KAT5: variants seen among roughly 807,000 people sequenced by gnomAD.
KAT5 encodes lysine acetyltransferase 5.
In KAT5, 31 loss-of-function variants were observed where a neutral mutation model predicts 68.1. The observed-to-expected ratio is 0.46, with a 90% CI of 0.34 to 0.61. The LOEUF (loss-of-function observed/expected upper bound fraction) is 0.61, where lower values mean the gene tolerates loss of function less well. Among genes scored for constraint, KAT5 ranks in the 20% least tolerant of loss-of-function variants. KAT5 has a pLI of 0.01. For synonymous variants in KAT5, 365 were observed against 292.6 expected (o/e 1.25, Z -2.52); for missense variants, 451 against 725.5 (o/e 0.62, Z 4.35).
chr11:65,713,254 G>T lies in KAT5; in HGVS notation c.385-94G>T. ...TGTGTCCTTCAGAAGGCGAGGGTGG[G>T]GTTTGATAATTTTGAGGTGAGGGAC... On this transcript the variant is annotated intron_variant, in intron 3 of 12. Coordinates refer to ENST00000341318, the MANE Select transcript of KAT5 (RefSeq NM_182710.3). 3 of 1,400,178 alleles carry T rather than the reference G, an allele frequency of 2.1e-6. No individual in the cohort carries two copies. In the South Asian group the frequency reaches 3.8e-5, roughly 18 times the overall value. The allele number at this position is 1,400,178 out of a possible 1,614,324, so 86.7% of individuals were successfully genotyped here. A position where few individuals can be genotyped will look rare whatever the true frequency, so the allele number is the denominator to read the frequency against.
rs767867886 is a variant in KAT5, at chr11:65,714,883, C to T, written c.1002C>T (p.Phe334=). The T allele has an allele frequency of 2.3e-5, 37 of 1,614,090 alleles. No homozygotes were observed. Among genetic ancestry groups the T allele is most frequent in the Non-Finnish European group, 2.7e-5 (32 of 1,180,012 alleles). ...TTTACCGCAAGGGCACCATCTCCTT[C>T]TTTGAGATTGATGGACGTAAGAACA... The part of the protein sequence containing the change: ...NEIYRKGTIS[F]FEIDGRKNKS... Residue 334 remains phenylalanine (F), a synonymous_variant, in exon 8 of 13, where the codon TTC becomes TTT. Coordinates refer to ENST00000341318, the MANE Select transcript of KAT5 (RefSeq NM_182710.3).
chr11:65,714,420 G>C (rs1857129553), intron 6 of KAT5, 75 bp from the exon 7 acceptor site: 1 of 1,545,816 alleles, frequency 6.5e-7, no homozygotes. Flanking sequence ...AAGGAAACCT[G>C]TCAAAGGGCT....
At chr11:65,713,905 G>A (rs71455782) in intron 6 of KAT5, 57 bp downstream of exon 6, 766 of 1,445,950 alleles carry the variant, frequency 5.3e-4, no homozygotes, top group Non-Finnish European at 6.6e-4. Flanking sequence ...TGCAGGCAGG[G>A]TGGAGAGTTA....
At chr11:65,717,891 T>A (rs1441002184) in intron 10 of KAT5, 2 of 152,562 alleles carry the variant, frequency 1.3e-5, no homozygotes, top group African/African-American at 4.8e-5. Context: ...CCCAGGTCCC[T>A]GACTGGGGAG....
rs1301439813 is a variant in KAT5 at position 65,719,273 on chromosome 11, AG to A, written c.*95del. ...ACTGCAGCTCCCACAAAGCACTCTA[AG>A]GGAGATGGGGCTGAGGACAGCTCAA... On this transcript the variant is annotated 3_prime_UTR_variant, in exon 13 of 13. Transcript: ENST00000341318. 6.9e-7 allele frequency: 1 copy of A among 1,452,946 alleles called. No homozygotes were observed. The highest frequency in any genetic ancestry group is 9.4e-7 in the Non-Finnish European group (1 of 1,062,734). 90.0% of individuals were successfully genotyped at this position (1,452,946 alleles called of 1,614,324 possible).
chr11:65,717,139 C>T (rs1160942294), intron 10 of KAT5, 157 bp downstream of exon 10: 26 of 643,068 alleles, frequency 4.0e-5, no homozygotes, highest in South Asian at 2.8e-4. Context: ...GGGTTCTCTC[C>T]GTTCAGGCTG....
At chr11:65,716,310 G>C (rs1857193108) in intron 8 of KAT5, 1 of 231,764 alleles carries the variant, frequency 4.3e-6, no homozygotes. Context: ...GCCGTGGTCA[G>C]AGTCTCACTT....
chr11:65,714,167 C>T (rs570655958), intron 6 of KAT5: 4 of 505,688 alleles, frequency 7.9e-6, no homozygotes, highest in South Asian at 6.8e-5. Flanking sequence ...GGCGTGGTGG[C>T]GGGTGCCTGT....
Position 65,719,158 on chromosome 11 carries a change from T to C in KAT5, c.1618T>C (p.Trp540Arg). The C allele has an allele frequency of 6.2e-7, 1 of 1,614,114 alleles. No individual in the cohort carries two copies. The highest frequency in any genetic ancestry group is 8.5e-7 in the Non-Finnish European group (1 of 1,180,020). ...GTGTCTGCACTTCACTCCCAAGGAC[T>C]GGAGCAAGAGGGGGAAGTGGTGACC... ...SKCLHFTPKD[W>R]SKRGKW Residue 540 changes from tryptophan to arginine, a missense_variant, in exon 13 of 13, where the codon TGG becomes CGG. By Grantham distance (101) the Trp-to-Arg change is moderately radical. Transcript: ENST00000341318.
chr11:65,713,866 C>G lies in KAT5; in HGVS notation c.690+18C>G. 2 of 1,560,154 alleles carry G rather than the reference C, an allele frequency of 1.3e-6. No homozygotes were observed. Among genetic ancestry groups the G allele is most frequent in the Non-Finnish European group, 1.7e-6 (2 of 1,150,394 alleles). ...CTGATGAGGTGGGTCTGGGGAGCAGCAGAAGGGAACTGGGTGAAAAGGAAG... is the reference window on the plus strand; with the variant it reads ...CTGATGAGGTGGGTCTGGGGAGCAGGAGAAGGGAACTGGGTGAAAAGGAAG... On this transcript the variant is annotated intron_variant, in intron 6 of 12. Transcript: ENST00000341318.
At chr11:65,712,115 TCACAGGGGCAGTC>T, upstream of KAT5, 1 of 662,040 alleles carries the variant, frequency 1.5e-6, no homozygotes, top group South Asian at 3.4e-5. Context: ...TTCCCCCGAG[TCACAGGGGCAGTC>T]TTGCCCCTCG....
rs755989710 is a variant in KAT5 at position 65,716,814 on chromosome 11, G to A, written c.1170+7G>A. The stretch of plus-strand genomic sequence containing the variant: ...CGTGGGCTACTTCTCCAAGGTCAGT[G>A]CCTGCCCAAGCTGTCCCTGTGCCCT... On this transcript the variant is annotated splice_region_variant and intron_variant, in intron 9 of 12. Coordinates refer to ENST00000341318, the MANE Select transcript of KAT5 (RefSeq NM_182710.3). The A allele has an allele frequency of 1.1e-5, 17 of 1,614,136 alleles. 1 individual carries two copies. The South Asian group carries it at 1.9e-4, about 18-fold the overall frequency.
rs958777577 is a variant in KAT5 at position 65,714,707 on chromosome 11, G to C, written c.903G>C (p.Lys301Asn). 6.2e-7 allele frequency: 1 copy of C among 1,614,214 alleles called. No individual in the cohort carries two copies. The highest frequency in any genetic ancestry group is 8.5e-7 in the Non-Finnish European group (1 of 1,180,050). The change falls in exon 7 of 13, where the codon AAG (lysine) becomes AAC (asparagine). Residue 301 changes from lysine to asparagine, a missense_variant. Coordinates refer to ENST00000341318, the MANE Select transcript of KAT5 (RefSeq NM_182710.3). Reference sequence around the variant, plus strand: ...TCTACCTGTGCGAGTTCTGCCTCAAGTACGGCCGTAGTCTCAAGTGTCTTC... The same window carrying C: ...TCTACCTGTGCGAGTTCTGCCTCAACTACGGCCGTAGTCTCAAGTGTCTTC... ...PVLYLCEFCL[K>N]YGRSLKCLQR...
intron 11 of KAT5, 40 bp downstream of exon 11, chr11:65,718,789 C>CT (rs1000415536): frequency 1.9e-6 from 3 of 1,613,866 alleles, no homozygotes; most frequent in African/African-American, 1.3e-5. Context: ...CATGGCATGG[C>CT]TTGTCTGTTC....
rs1255110429 is a variant in KAT5 at position 65,716,949 on chromosome 11, C to T, written c.1231C>T (p.Arg411Cys). ...CATCCTAACCCTGCCTCCCTACCAG[C>T]GCCGGGGCTACGGCAAGCTGCTGAT... ...ACILTLPPYQ[R>C]RGYGKLLIEF... is the part of the protein sequence containing the mutation. The change falls in exon 10 of 13, where the codon CGC becomes TGC. Residue 411 changes from arginine (R) to cysteine (C), a missense_variant. By Grantham distance (180) the Arg-to-Cys change is radical. Transcript: ENST00000341318. 2 of 1,614,144 alleles carry T rather than the reference C, an allele frequency of 1.2e-6. No homozygotes were observed. Among genetic ancestry groups the T allele is most frequent in the Non-Finnish European group, 1.7e-6 (2 of 1,179,986 alleles).
rs1335785870 is a variant in KAT5 at position 65,718,738 on chromosome 11, GATCACC to G, written c.1418_1423del (p.Thr473_Ile474del). On this transcript the variant is annotated inframe_deletion, in exon 11 of 13. Coordinates refer to ENST00000341318, the MANE Select transcript of KAT5 (RefSeq NM_182710.3). ...AGTCGGAGAGCGGGGAGAGGCCACA[GATCACC>G]ATCAAGTGAGCCTGGCGCTGTCTAC... 2 of 1,614,190 alleles carry G rather than the reference GATCACC, an allele frequency of 1.2e-6. No homozygotes were observed. Among genetic ancestry groups the G allele is most frequent in the Non-Finnish European group, 1.7e-6 (2 of 1,180,028 alleles).
Position 65,719,365 on chromosome 11 carries a change from A to G in KAT5, c.*184A>G. On this transcript the variant is annotated 3_prime_UTR_variant, in exon 13 of 13. Coordinates refer to ENST00000341318, the MANE Select transcript of KAT5 (RefSeq NM_182710.3). Reference sequence around the variant, plus strand: ...GCACCAAGGCGAGCTCCGGGCTCAGACCAACTCCAAGGTCAGCTGGCCACA... The same window carrying G: ...GCACCAAGGCGAGCTCCGGGCTCAGGCCAACTCCAAGGTCAGCTGGCCACA... 1.4e-6 allele frequency: 1 copy of G among 732,138 alleles called. No homozygotes were observed. 45.4% of individuals were successfully genotyped at this position (732,138 alleles called of 1,614,324 possible). A position where few individuals can be genotyped will look rare whatever the true frequency, so the allele number is the denominator to read the frequency against.
In KAT5 at chr11:65,713,907, G is replaced by A. The variant is rs571340239; in HGVS notation, c.690+59G>A. Reference sequence around the variant, plus strand: ...GAAAAGGAAGGGATGCAGGCAGGGTGGAGAGTTATTTAGTGATGAGTTTAA... The same window carrying A: ...GAAAAGGAAGGGATGCAGGCAGGGTAGAGAGTTATTTAGTGATGAGTTTAA... On this transcript the variant is annotated intron_variant, in intron 6 of 12. Transcript: ENST00000341318. 5 of 1,438,072 alleles carry A rather than the reference G, an allele frequency of 3.5e-6. No homozygotes were observed. The African/African-American group carries it at 4.2e-5, about 12-fold the overall frequency. 89.1% of individuals were successfully genotyped at this position (1,438,072 alleles called of 1,614,324 possible).
chr11:65,713,612 T>A lies in KAT5; in HGVS notation c.560T>A (p.Val187Asp), dbSNP rs759923824. The A allele has an allele frequency of 3.7e-6, 6 of 1,614,022 alleles. No individual in the cohort carries two copies. ...CTGCAGAAACGGAAGGTGGAGGTGG[T>A]TTCACCAGCAACTCCAGTGCCCAGC... ...HRSTKRKVEV[V>D]SPATPVPSET... Residue 187 changes from valine to aspartate, a missense_variant, in exon 5 of 13, where the codon GTT (valine) becomes GAT (aspartate). Physicochemically the swap from Val to Asp is radical, Grantham distance 152 (BLOSUM62 -3). Around this residue, in one of 4 missense-constraint regions of KAT5, gnomAD observed 135 missense variants for 173.4 expected, o/e 0.78. Transcript: ENST00000341318.
Sources: allele counts gnomAD v4.1 joint callset, GRCh38; gene constraint gnomAD v4.1.1; regional missense constraint gnomAD v4.1.1; transcripts MANE v1.5; gene names NCBI Gene and HGNC (gene_info 2026-07-23, HGNC 2026-07-21).